SLC12A9: variants seen among roughly 807,000 people sequenced by gnomAD.
SLC12A9 encodes the protein CCC-interacting protein 1.
SLC12A9 carries 55 observed loss-of-function variants against 66.0 expected under a neutral mutation model. The observed-to-expected ratio is 0.83, with a 90% CI of 0.67 to 1.04. The LOEUF is 1.04. Ranked by LOEUF, SLC12A9 falls within the 50% of genes least tolerant of loss-of-function variation. The pLI, the probability that SLC12A9 is intolerant of heterozygous loss-of-function variation, is 0.00. For synonymous variants in SLC12A9, 577 were observed against 569.0 expected (o/e 1.01, Z -0.20); for missense variants, 1,061 against 1,241.9 (o/e 0.85, Z 2.19).
Position 100,865,869 on chromosome 7 carries a change from G to A in SLC12A9, c.2009G>A (p.Arg670Gln), listed in dbSNP as rs918149341. Residue 670 changes from arginine (R) to glutamine (Q), a missense_variant, in exon 14 of 14, where the codon CGG (arginine) becomes CAG (glutamine). Transcript: ENST00000354161. ...CTGAGCACCCTGTTCCCTCCTCCCC[G>A]GGCTCCTGGGAGCCCCCGGGCCCTC... ...PALSTLFPPP[R>Q]APGSPRALNP... is the part of the protein sequence containing the mutation. The A allele has an allele frequency of 3.7e-6, 6 of 1,613,658 alleles. No individual in the cohort carries two copies. The highest frequency in any genetic ancestry group is 5.1e-6 in the Non-Finnish European group (6 of 1,179,998).
At chr7:100,836,984 G>A (rs1244609796) in intron 1 of SLC12A9, among the ~76,000 whole-genome samples, 2 of 152,298 alleles carry the variant, frequency 1.3e-5, no homozygotes, top group Middle Eastern at 3.4e-3. Flanking sequence ...TGTGTTCCAG[G>A]ATCTGGGATC....
rs140425277 is a variant in SLC12A9 at position 100,858,866 on chromosome 7, C to T, written c.789C>T (p.Ala263=). The T allele has an allele frequency of 1.3e-5, 21 of 1,614,058 alleles. No homozygotes were observed. The highest frequency in any genetic ancestry group is 4.0e-5 in the African/African-American group (3 of 74,944). ...AGYAEDYTTG[A]VMNFASVFAV... is the part of the protein sequence containing the mutation. ...ATGCTGAGGACTACACCACGGGAGC[C>T]GTGATGAATTTTGCCAGCGTCTTTG... is the stretch of plus-strand genomic sequence containing the variant. The change falls in exon 6 of 14, where the codon GCC becomes GCT. Residue 263 remains alanine, a synonymous_variant. Transcript: ENST00000354161.
chr7:100,859,097 G>T lies in SLC12A9; in HGVS notation c.913G>T (p.Ala305Ser), dbSNP rs759189306. 13 of 1,613,948 alleles carry T rather than the reference G, an allele frequency of 8.1e-6. No individual in the cohort carries two copies. Among genetic ancestry groups the T allele is most frequent in the Non-Finnish European group, 1.1e-5 (13 of 1,179,998 alleles). ...SRAIPLGTIV[A>S]VAYTFFVYVL... ...GGCGATCCCTCTGGGCACGATCGTC[G>T]CCGTCGCCTACACCTTCTTCGTCTA... The change falls in exon 7 of 14, where the codon GCC (alanine) becomes TCC (serine). Residue 305 changes from alanine to serine, a missense_variant. Transcript: ENST00000354161.
At position 100,866,424 on chromosome 7, in the gene SLC12A9, G is replaced by T. The variant is rs760414605; in HGVS notation, c.2564G>T (p.Gly855Val). Residue 855 changes from glycine (G) to valine (V), a missense_variant, in exon 14 of 14, where the codon GGG becomes GTG. By Grantham distance (109) the Gly-to-Val change is moderately radical. Transcript: ENST00000354161. The surrounding 1 kb of genome is among the most constrained non-coding windows in gnomAD (Gnocchi z 7.3). ...QGRGTGGGPG[G>V]PEGGDAEGPI... ...CGCGGCACAGGAGGAGGGCCGGGTG[G>T]GCCGGAGGGTGGGGATGCTGAGGGC... 1 of 1,546,566 alleles carries T rather than the reference G, an allele frequency of 6.5e-7. No homozygotes were observed. Among genetic ancestry groups the T allele is most frequent in the Non-Finnish European group, 8.7e-7 (1 of 1,144,964 alleles).
chr7:100,853,335 C>G (rs1215260886), intron 1 of SLC12A9: 1 of 152,132 alleles, frequency 6.6e-6, no homozygotes, highest in Non-Finnish European at 1.5e-5. Context: ...AAGCCTGTGC[C>G]GTCAGAGAAC....
chr7:100,862,961 G>T, intron 13 of SLC12A9, 134 bp downstream of exon 13: 1 of 1,086,138 alleles, frequency 9.2e-7, no homozygotes, highest in South Asian at 1.5e-5. Flanking sequence ...ATAAGACAGT[G>T]CTCAAAGATA....
Position 100,866,143 on chromosome 7 carries a change from G to GCAT in SLC12A9, c.2284_2286dup (p.His762dup). On this transcript the variant is annotated inframe_insertion, in exon 14 of 14. Transcript: ENST00000354161. This position sits in a 1 kb window ranked among gnomAD's most constrained non-coding sequence, Gnocchi z 7.3. Reference sequence around the variant, plus strand: ...CCATCTTGGGCATGGTGCCCGCTTGGCATAGCGCCCGGCTCCGGATCTTCC... The same window carrying GCAT: ...CCATCTTGGGCATGGTGCCCGCTTGGCATCATAGCGCCCGGCTCCGGATCTTCC... The GCAT allele has an allele frequency of 6.2e-7, 1 of 1,612,886 alleles. No homozygotes were observed. The highest frequency in any genetic ancestry group is 8.5e-7 in the Non-Finnish European group (1 of 1,179,810).
chr7:100,857,142 C>T lies in SLC12A9; in HGVS notation c.723C>T (p.Gly241=), dbSNP rs1814445948. The T allele has an allele frequency of 1.2e-6, 2 of 1,613,876 alleles. No homozygotes were observed. The highest frequency in any genetic ancestry group is 1.7e-6 in the Non-Finnish European group (2 of 1,179,942). ...CGCCCCGGTTTGGCCACTTCACCGG[C>T]TTCAACAGCAGTACCCTGAAGGACA... The part of the protein sequence containing the change: ...SLPPRFGHFT[G]FNSSTLKDNL... The change falls in exon 5 of 14, where the codon GGC becomes GGT. Residue 241 remains glycine, a synonymous_variant. Coordinates refer to ENST00000354161, the MANE Select transcript of SLC12A9 (RefSeq NM_020246.4).
chr7:100,856,353 A>T (rs1814383455), intron 4 of SLC12A9: 1 of 160,868 alleles, frequency 6.2e-6, no homozygotes, highest in Admixed American at 5.8e-5. Context: ...GATTACAGGC[A>T]CTCACCACCA....
Position 100,854,742 on chromosome 7 carries a change from G to A in SLC12A9, c.304G>A (p.Gly102Ser). ...CGCCACCAATGGAGCCGTGCAGGGG[G>A]GCGGAGCCTACTGTATCCTCCAACA... Reference protein sequence around the residue: ...AIATNGAVQGGGAYFMISRTL... With the variant: ...AIATNGAVQGSGAYFMISRTL... Residue 102 changes from glycine to serine, a missense_variant, in exon 3 of 14, where the codon GGC (glycine) becomes AGC (serine). Transcript: ENST00000354161. 6.2e-7 allele frequency: 1 copy of A among 1,614,050 alleles called. No homozygotes were observed. The highest frequency in any genetic ancestry group is 8.5e-7 in the Non-Finnish European group (1 of 1,180,026).
chr7:100,828,551 C>CAAAA (rs34743877), intron 1 of SLC12A9, among the ~76,000 whole-genome samples: 19 of 40,622 alleles, frequency 4.7e-4, no homozygotes, highest in African/African-American at 1.3e-3. Context: ...GACGAAATCT[C>CAAAA]AAAAAAAAAA....
chr7:100,861,837 C>G lies in SLC12A9; in HGVS notation c.1637C>G (p.Pro546Arg). ...GTGGGGAACCCCCGGGGCGCCCTGCCTCTGCTGCGGTTGGCCAACCAGCTT... is the reference window on the plus strand; with the variant it reads ...GTGGGGAACCCCCGGGGCGCCCTGCGTCTGCTGCGGTTGGCCAACCAGCTT... ...LLVGNPRGALPLLRLANQLKK... is the reference protein window; with the variant it reads ...LLVGNPRGALRLLRLANQLKK... Residue 546 changes from proline (P) to arginine (R), a missense_variant, in exon 12 of 14, where the codon CCT (proline) becomes CGT (arginine). Pro to Arg is a moderately radical substitution (Grantham distance 103). Coordinates refer to ENST00000354161, the MANE Select transcript of SLC12A9 (RefSeq NM_020246.4). The surrounding 1 kb of genome is among the most constrained non-coding windows in gnomAD (Gnocchi z 5.3). 6.2e-7 allele frequency: 1 copy of G among 1,614,074 alleles called. No homozygotes were observed.
intron 1 of SLC12A9, chr7:100,827,217 C>T (rs1458451283): frequency 9.3e-6 from 3 of 322,360 alleles, no homozygotes; most frequent in African/African-American, 4.5e-5. Context: ...CGCGTCTGTG[C>T]CGCGCGCGCG....
rs768077138 is a variant in SLC12A9 at position 100,865,925 on chromosome 7, G to A, written c.2065G>A (p.Asp689Asn). The A allele has an allele frequency of 6.8e-6, 11 of 1,613,336 alleles. No individual in the cohort carries two copies. The highest frequency in any genetic ancestry group is 6.6e-5 in the South Asian group (6 of 91,082). Residue 689 changes from aspartate to asparagine, a missense_variant, in exon 14 of 14, where the codon GAC becomes AAC. Transcript: ENST00000354161. ...NPQDYVATVA[D>N]ALKMNKNVVL... ...CCAGGACTATGTGGCCACGGTGGCC[G>A]ACGCCCTCAAGATGAACAAGAATGT...
Position 100,866,762 on chromosome 7 carries a change from CGCCCACCTCCTTTGGCAGAGGGACCCCA to C in SLC12A9, c.*160_*187del. 2 of 746,784 alleles carry C rather than the reference CGCCCACCTCCTTTGGCAGAGGGACCCCA, an allele frequency of 2.7e-6. No homozygotes were observed. Among genetic ancestry groups the C allele is most frequent in the Non-Finnish European group, 4.0e-6 (2 of 494,632 alleles). The allele number at this position is 746,784 out of a possible 1,614,324, so 46.3% of individuals were successfully genotyped here. A position where few individuals can be genotyped will look rare whatever the true frequency, so the allele number is the denominator to read the frequency against. On this transcript the variant is annotated 3_prime_UTR_variant, in exon 14 of 14. Coordinates refer to ENST00000354161, the MANE Select transcript of SLC12A9 (RefSeq NM_020246.4). This position sits in a 1 kb window ranked among gnomAD's most constrained non-coding sequence, Gnocchi z 7.3. ...AAGGGGATCCTGGGCTTGGGCATCA[CGCCCACCTCCTTTGGCAGAGGGACCCCA>C]GCACACTAACTCTGGGTGGCTGTCC...
chr7:100,850,979 A>G (rs1814058167), upstream of SLC12A9, among the ~76,000 whole-genome samples: 1 of 151,822 alleles, frequency 6.6e-6, no homozygotes, highest in Non-Finnish European at 1.5e-5. Flanking sequence ...CGGCCTCCCA[A>G]AGTGCTGGGA....
In SLC12A9 at chr7:100,861,829, C is replaced by T. The variant is rs143756205; in HGVS notation, c.1629C>T (p.Gly543=). Reference sequence around the variant, plus strand: ...TGCTCCTGGTGGGGAACCCCCGGGGCGCCCTGCCTCTGCTGCGGTTGGCCA... The same window carrying T: ...TGCTCCTGGTGGGGAACCCCCGGGGTGCCCTGCCTCTGCTGCGGTTGGCCA... ...QLLLLVGNPR[G]ALPLLRLANQ... The change falls in exon 12 of 14, where the codon GGC becomes GGT. Residue 543 remains glycine (G), a synonymous_variant. Coordinates refer to ENST00000354161, the MANE Select transcript of SLC12A9 (RefSeq NM_020246.4). This position sits in a 1 kb window ranked among gnomAD's most constrained non-coding sequence, Gnocchi z 5.3. 2.9e-4 allele frequency: 465 copies of T among 1,613,914 alleles called. 1 individual carries two copies. The highest frequency in any genetic ancestry group is 4.0e-4 in the Admixed American group (24 of 59,996).
chr7:100,849,188 A>G (rs1814001915), upstream of SLC12A9, among the ~76,000 whole-genome samples: 1 of 151,624 alleles, frequency 6.6e-6, no homozygotes, highest in Non-Finnish European at 1.5e-5. Context: ...CGGCCTCCCA[A>G]AGTGCTGGGA....
In SLC12A9 at chr7:100,859,144, C is replaced by T; in HGVS notation, c.960C>T (p.Ser320=). The part of the protein sequence containing the change: ...FFVYVLLFFL[S]SFTCDRTLLQ... Reference sequence around the variant, plus strand: ...TCTATGTCCTGCTTTTCTTTCTCTCCAGCTTCACTTGTGACAGGTGTCTGG... The same window carrying T: ...TCTATGTCCTGCTTTTCTTTCTCTCTAGCTTCACTTGTGACAGGTGTCTGG... Residue 320 remains serine, a synonymous_variant, in exon 7 of 14, where the codon TCC becomes TCT. Transcript: ENST00000354161. 1.2e-6 allele frequency: 2 copies of T among 1,613,990 alleles called. No homozygotes were observed. Among genetic ancestry groups the T allele is most frequent in the Non-Finnish European group, 1.7e-6 (2 of 1,179,992 alleles).
Sources: allele counts gnomAD v4.1 joint callset (sites outside exome capture counted in the v4.1 genomes callset), GRCh38; gene constraint gnomAD v4.1.1; non-coding constraint Gnocchi (gnomAD v3.1); transcripts MANE v1.5; gene names NCBI Gene and HGNC (gene_info 2026-07-23, HGNC 2026-07-21).